The following SEL1L3 variants were observed in gnomAD, a reference collection of about 807,000 sequenced individuals.
The protein encoded by SEL1L3 is protein sel-1 homolog 3.
Under a neutral mutation model 142.8 loss-of-function variants are expected in SEL1L3, and 76 were observed. The ratio of observed to expected loss-of-function variants is 0.53; its 90% CI spans 0.44 to 0.64. The LOEUF is 0.64. Among genes scored for constraint, SEL1L3 ranks in the 30% least tolerant of loss-of-function variants. SEL1L3 has a pLI of 0.00. For synonymous variants in SEL1L3, 504 were observed against 519.6 expected (o/e 0.97, Z 0.41); for missense variants, 1,262 against 1,381.7 (o/e 0.91, Z 1.37).
At chr4:25,779,501 A>G (rs757285985) in intron 15 of SEL1L3, among the ~76,000 whole-genome samples, 5 of 152,234 alleles carry the variant, frequency 3.3e-5, no homozygotes, top group South Asian at 2.1e-4. Context: ...AAGGCTAGAT[A>G]GAAGACTATA....
At chr4:25,753,853 G>A (rs911547512) in intron 23 of SEL1L3, among the ~76,000 whole-genome samples, 10 of 152,000 alleles carry the variant, frequency 6.6e-5, no homozygotes, top group African/African-American at 1.4e-4. Context: ...GGGTGGTGGC[G>A]TGCACCTGTA....
chr4:25,833,091 C>T lies in SEL1L3; in HGVS notation c.1002G>A (p.Met334Ile), dbSNP rs1465167575. 6.2e-7 allele frequency: 1 copy of T among 1,603,206 alleles called. No individual in the cohort carries two copies. ...CAAGGTCTTCCCCTTTGACAAGATG[C>T]ATCTGAATATGCAAATAGCCTAAAA... ...LTEEGYLHIQ[M>I]HLVKGEDLAV... Residue 334 changes from methionine to isoleucine, a missense_variant, in exon 5 of 24, where the codon ATG becomes ATA. Around this residue, in one of 3 missense-constraint regions of SEL1L3, gnomAD observed 689 missense variants for 692.8 expected, o/e 0.99. Coordinates refer to ENST00000399878, the MANE Select transcript of SEL1L3 (RefSeq NM_015187.5).
chr4:25,776,716 T>C (rs7682564), intron 16 of SEL1L3: 113,470 of 167,402 alleles, frequency 0.68, 39,996 homozygotes, highest in African/African-American at 0.88. Flanking sequence ...TGCTTTGTTC[T>C]CTAATTTATT....
intron 2 of SEL1L3, among the ~76,000 whole-genome samples, chr4:25,843,108 A>G (rs929877053): frequency 6.6e-6 from 1 of 152,130 alleles, no homozygotes; most frequent in Non-Finnish European, 1.5e-5. Context: ...CTGTGGCTGG[A>G]AGCAGTGGGG....
chr4:25,758,836 A>G (rs1268983390), intron 21 of SEL1L3, 105 bp downstream of exon 21: 1 of 1,241,264 alleles, frequency 8.1e-7, no homozygotes, highest in Non-Finnish European at 1.1e-6. Flanking sequence ...TTTTTAAATA[A>G]CAATTTACAT....
At chr4:25,770,856 G>A (rs949765829) in intron 17 of SEL1L3, among the ~76,000 whole-genome samples, 1 of 151,922 alleles carries the variant, frequency 6.6e-6, no homozygotes, top group Non-Finnish European at 1.5e-5. Context: ...CACCATCCAT[G>A]TTCACATCTA....
chr4:25,789,664 C>T (rs1560302036), intron 12 of SEL1L3, among the ~76,000 whole-genome samples: 1 of 151,794 alleles, frequency 6.6e-6, no homozygotes, highest in East Asian at 1.9e-4. Flanking sequence ...TTTCCCTTTC[C>T]CATCTCTGGG....
intron 1 of SEL1L3, among the ~76,000 whole-genome samples, chr4:25,860,876 C>G (rs562755181): frequency 6.6e-6 from 1 of 152,294 alleles, no homozygotes; most frequent in Admixed American, 6.5e-5. Flanking sequence ...TGAGTCTATC[C>G]ATGGCATCAT....
At chr4:25,836,899 C>T (rs902332435) in intron 2 of SEL1L3, among the ~76,000 whole-genome samples, 1 of 152,094 alleles carries the variant, frequency 6.6e-6, no homozygotes, top group Non-Finnish European at 1.5e-5. Context: ...TGGTTTACTA[C>T]AATTTGGAAA....
chr4:25,717,324 G>A, the SEL1L3 span, among the ~76,000 whole-genome samples: 1 of 152,174 alleles, frequency 6.6e-6, no homozygotes, highest in Non-Finnish European at 1.5e-5. Flanking sequence ...GAGTAGGGAA[G>A]AATGGTTATG....
intron 5 of SEL1L3, among the ~76,000 whole-genome samples, chr4:25,832,352 C>G (rs1715501673): frequency 6.6e-6 from 1 of 152,084 alleles, no homozygotes. Flanking sequence ...GGTGGCAAAC[C>G]CACACTGTGT....
At chr4:25,807,261 C>T (rs1286104991) in intron 9 of SEL1L3, among the ~76,000 whole-genome samples, 1 of 152,204 alleles carries the variant, frequency 6.6e-6, no homozygotes, top group Non-Finnish European at 1.5e-5. Flanking sequence ...TAACCAACAA[C>T]GTGGCATTGA....
intron 17 of SEL1L3, among the ~76,000 whole-genome samples, chr4:25,768,122 C>T (rs1165061036): frequency 6.6e-6 from 1 of 152,192 alleles, no homozygotes; most frequent in Non-Finnish European, 1.5e-5. Flanking sequence ...TACTAGCCTT[C>T]AGTTCTTGAA....
At chr4:25,812,370 T>C (rs1714087654) in intron 9 of SEL1L3, among the ~76,000 whole-genome samples, 1 of 152,192 alleles carries the variant, frequency 6.6e-6, no homozygotes, top group Non-Finnish European at 1.5e-5. Flanking sequence ...TTACCAGAAC[T>C]ACCATCCTGC....
chr4:25,769,140 A>G (rs1326333925), intron 17 of SEL1L3, among the ~76,000 whole-genome samples: 1 of 152,108 alleles, frequency 6.6e-6, no homozygotes, highest in Non-Finnish European at 1.5e-5. Context: ...TTTTAATTTT[A>G]GCTCCACCTA....
chr4:25,718,287 T>C, the SEL1L3 span: 1 of 152,262 alleles, frequency 6.6e-6, no homozygotes, highest in East Asian at 1.9e-4. Context: ...AATAGTGACA[T>C]TTGATCAGGA....
chr4:25,783,596 G>C (rs114975264), intron 14 of SEL1L3, among the ~76,000 whole-genome samples: 1 of 152,160 alleles, frequency 6.6e-6, no homozygotes, highest in East Asian at 1.9e-4. Flanking sequence ...ACATGTGGCT[G>C]TGCATGCATT....
chr4:25,716,375 T>C, the SEL1L3 span, among the ~76,000 whole-genome samples: 1 of 152,130 alleles, frequency 6.6e-6, no homozygotes, highest in Non-Finnish European at 1.5e-5. Flanking sequence ...GGTGAGGATA[T>C]AGAACATAGA....
At chr4:25,834,828 G>A (rs1347060280) in intron 3 of SEL1L3, among the ~76,000 whole-genome samples, 1 of 152,188 alleles carries the variant, frequency 6.6e-6, no homozygotes, top group Admixed American at 6.5e-5. Flanking sequence ...ATCAGAAGTT[G>A]TGAGATTTCA....
Sources: gnomAD v4.1 joint callset for allele counts (sites outside exome capture counted in the v4.1 genomes callset) on GRCh38, gnomAD v4.1.1 for gene constraint, gnomAD v4.1.1 regional missense constraint, MANE v1.5 for transcripts, NCBI Gene and HGNC (gene_info 2026-07-23, HGNC 2026-07-21) for gene names.